The following ZCWPW2 variants were observed in gnomAD, a reference collection of about 807,000 sequenced individuals.
ZCWPW2 encodes the protein zinc finger CW-type and PWWP domain containing 2.
A neutral mutation model predicts 46.6 loss-of-function variants in ZCWPW2; 45 were observed. The ratio of observed to expected loss-of-function variants is 0.96; its 90% confidence interval spans 0.76 to 1.24. The LOEUF (loss-of-function observed/expected upper bound fraction) is 1.24. Ranked by LOEUF, ZCWPW2 falls within the 50% of genes most tolerant of loss-of-function variation. The pLI, the probability that ZCWPW2 is intolerant of heterozygous loss-of-function variation, is 0.00. For missense variants in ZCWPW2, 429 were observed against 403.9 expected (o/e 1.06, Z -0.53); for synonymous variants, 152 against 137.1 (o/e 1.11, Z -0.76).
chr3:28,492,311 G>A (rs574163681), intron 6 of ZCWPW2, 138 bp downstream of exon 6: 7 of 716,522 alleles, frequency 9.8e-6, no homozygotes, highest in African/African-American at 1.9e-5. Context: ...TTTAGTATAT[G>A]TTTCCTTTCT....
intron 1 of ZCWPW2, among the ~76,000 whole-genome samples, chr3:28,358,851 C>G (rs1393701545): frequency 1.3e-5 from 2 of 151,992 alleles, no homozygotes; most frequent in African/African-American, 2.4e-5. Flanking sequence ...CCCCAACAAT[C>G]CTTTTTCTGA....
At chr3:28,368,072 A>T (rs1705187312) in intron 1 of ZCWPW2, among the ~76,000 whole-genome samples, 1 of 152,124 alleles carries the variant, frequency 6.6e-6, no homozygotes, top group South Asian at 2.1e-4. Flanking sequence ...TGAATGCAGC[A>T]TACTGATGGG....
chr3:28,470,682 A>T (rs1488403706), intron 4 of ZCWPW2, among the ~76,000 whole-genome samples: 1 of 152,104 alleles, frequency 6.6e-6, no homozygotes, highest in Non-Finnish European at 1.5e-5. Context: ...ATTGTAAAGT[A>T]CTAAAAAAGC....
At chr3:28,459,812 A>G (rs1489320976) in intron 4 of ZCWPW2, among the ~76,000 whole-genome samples, 1 of 152,190 alleles carries the variant, frequency 6.6e-6, no homozygotes, top group Non-Finnish European at 1.5e-5. Context: ...CAGATAGTGG[A>G]CAAACCTAAA....
intron 1 of ZCWPW2, among the ~76,000 whole-genome samples, chr3:28,369,840 T>C (rs950408939): frequency 6.6e-6 from 1 of 152,192 alleles, no homozygotes; most frequent in Non-Finnish European, 1.5e-5. Context: ...GTTTACCTAC[T>C]CAAGCCTCAG....
chr3:28,438,702 A>G (rs991800568), intron 4 of ZCWPW2, among the ~76,000 whole-genome samples: 1 of 152,186 alleles, frequency 6.6e-6, no homozygotes, highest in Non-Finnish European at 1.5e-5. Flanking sequence ...GTCCCTGACA[A>G]AAACTTGATG....
chr3:28,476,109 TATATA>T lies in ZCWPW2; in HGVS notation c.493-2700_493-2696del, dbSNP rs1699231158. ...ATTATATATTTATATGTTGTAGAAA[TATATA>T]ATATTATATAAATTGTATAGTTCTA... is the stretch of plus-strand genomic sequence containing the variant. On this transcript the variant is annotated intron_variant, in intron 4 of 9. Coordinates refer to ENST00000383768, the MANE Select transcript of ZCWPW2 (RefSeq NM_001040432.4). 2.7e-5 allele frequency among the ~76,000 whole-genome samples: 4 copies of T among 150,720 alleles called. No individual in the cohort carries two copies. In the East Asian group the frequency reaches 5.8e-4, roughly 22 times the overall value.
chr3:28,391,735 A>G (rs1468578103), intron 2 of ZCWPW2, among the ~76,000 whole-genome samples: 1 of 152,128 alleles, frequency 6.6e-6, no homozygotes, highest in African/African-American at 2.4e-5. Context: ...CAACTGAGGT[A>G]ACCAATAACA....
intron 4 of ZCWPW2, among the ~76,000 whole-genome samples, chr3:28,454,720 G>A (rs937786071): frequency 1.3e-5 from 2 of 152,144 alleles, no homozygotes; most frequent in African/African-American, 4.8e-5. Flanking sequence ...CCACTTAAAA[G>A]TAAGAACATG....
At position 28,377,710 on chromosome 3, in the gene ZCWPW2, C is replaced by T. The variant is rs564875464; in HGVS notation, c.-133-12788C>T. 1.1e-4 allele frequency among the ~76,000 whole-genome samples: 17 copies of T among 152,022 alleles called. No individual in the cohort carries two copies. In the South Asian group the frequency reaches 3.5e-3, roughly 32 times the overall value. On this transcript the variant is annotated intron_variant, in intron 1 of 9. Coordinates refer to ENST00000383768, the MANE Select transcript of ZCWPW2 (RefSeq NM_001040432.4). ...TCCATATAATTTTTTATTTATAATG[C>T]GACTGTATTTGAAGACAGTCTGAAG...
chr3:28,393,847 G>T (rs945041258), intron 2 of ZCWPW2, among the ~76,000 whole-genome samples: 2 of 152,022 alleles, frequency 1.3e-5, no homozygotes, highest in Non-Finnish European at 2.9e-5. Context: ...AGTGGGGAAA[G>T]GTCTAACGTT....
intron 2 of ZCWPW2, among the ~76,000 whole-genome samples, chr3:28,409,648 T>C (rs577518118): frequency 2.6e-5 from 4 of 152,258 alleles, no homozygotes; most frequent in Admixed American, 6.5e-5. Flanking sequence ...CTGAAGAAGG[T>C]AGAGATATTG....
At chr3:28,440,080 C>G (rs972174859) in intron 4 of ZCWPW2, among the ~76,000 whole-genome samples, 1 of 152,086 alleles carries the variant, frequency 6.6e-6, no homozygotes, top group Non-Finnish European at 1.5e-5. Context: ...TTGCCATTGA[C>G]CTAATCACAG....
intron 5 of ZCWPW2, among the ~76,000 whole-genome samples, chr3:28,481,989 A>C (rs184966792): frequency 6.6e-6 from 1 of 152,162 alleles, no homozygotes; most frequent in East Asian, 1.9e-4. Context: ...ACCTACACTG[A>C]CACGTCATTG....
At chr3:28,441,708 A>G (rs970706229) in intron 4 of ZCWPW2, among the ~76,000 whole-genome samples, 2 of 152,102 alleles carry the variant, frequency 1.3e-5, no homozygotes, top group African/African-American at 4.8e-5. Context: ...GCCCGATCAC[A>G]TGTACCACTT....
rs145828070 is a variant in ZCWPW2, at chr3:28,370,456, G to A, written c.-133-20042G>A. On this transcript the variant is annotated intron_variant, in intron 1 of 9. Transcript: ENST00000383768. The stretch of plus-strand genomic sequence containing the variant: ...ACTAGCTACAAGCAATAGCATGGAG[G>A]CATCTCATATGGGCACAAAAGAATA... Among the ~76,000 whole-genome samples the A allele has an allele frequency of 2.9e-3, 439 of 152,256 alleles. 5 individuals are homozygous for A. The highest frequency in any genetic ancestry group is 9.8e-3 in the African/African-American group (407 of 41,542).
Position 28,466,236 on chromosome 3 carries a change from G to A in ZCWPW2, c.493-12578G>A, listed in dbSNP as rs554684901. Among the ~76,000 whole-genome samples, 12 of 152,192 alleles carry A rather than the reference G, an allele frequency of 7.9e-5. No homozygotes were observed. The South Asian group carries it at 1.7e-3, about 21-fold the overall frequency. On this transcript the variant is annotated intron_variant, in intron 4 of 9. Transcript: ENST00000383768. Reference sequence around the variant, plus strand: ...ATAGAAAAACTACCTATTGGGTACCGTGCTCATTGCCTGGGTGATGAAATA... The same window carrying A: ...ATAGAAAAACTACCTATTGGGTACCATGCTCATTGCCTGGGTGATGAAATA...
chr3:28,349,064 G>A lies in ZCWPW2; in HGVS notation c.-273G>A, dbSNP rs1263709173. 5 of 985,702 alleles carry A rather than the reference G, an allele frequency of 5.1e-6. No individual in the cohort carries two copies. The Admixed American group carries it at 3.1e-4, about 61-fold the overall frequency. The allele number at this position is 985,702 out of a possible 1,614,324, so 61.1% of individuals were successfully genotyped here. On this transcript the variant is annotated 5_prime_UTR_variant, in exon 1 of 10. Transcript: ENST00000383768. ...AAGTCAGGCCCGAGGGAGCTGGGAG[G>A]GCGTTAGCGAAGCCAGGTTCGGTCG...
At chr3:28,452,280 A>T (rs879559673) in intron 4 of ZCWPW2, among the ~76,000 whole-genome samples, 46 of 151,960 alleles carry the variant, frequency 3.0e-4, no homozygotes, top group Non-Finnish European at 6.3e-4. Flanking sequence ...CATCTTATTT[A>T]TTTATTTATT....
Sources: gnomAD v4.1 joint callset for allele counts (sites outside exome capture counted in the v4.1 genomes callset) on GRCh38, gnomAD v4.1.1 for gene constraint, MANE v1.5 for transcripts, NCBI Gene and HGNC (gene_info 2026-07-23, HGNC 2026-07-21) for gene names.